The following HADHB variants were observed in gnomAD, a reference collection of about 807,000 sequenced individuals.
HADHB encodes hydroxyacyl-CoA dehydrogenase trifunctional multienzyme complex subunit beta.
A neutral mutation model predicts 61.9 loss-of-function variants in HADHB; 50 were observed. That is an observed-to-expected ratio of 0.81 (90% CI 0.64 to 1.02). The LOEUF (loss-of-function observed/expected upper bound fraction) is 1.02. Ranked by LOEUF, HADHB falls within the 50% of genes least tolerant of loss-of-function variation. HADHB has a pLI of 0.00. For missense variants in HADHB, 504 were observed against 586.5 expected, an observed-to-expected ratio of 0.86 and a Z score of 1.45; for synonymous variants, 191 against 201.6, an observed-to-expected ratio of 0.95 and a Z score of 0.45.
chr2:26,279,796 AT>A (rs1003426075), intron 9 of HADHB, among the ~76,000 whole-genome samples, 197 bp from the exon 10 acceptor site: 2 of 152,188 alleles, frequency 1.3e-5, no homozygotes, highest in South Asian at 2.1e-4. Flanking sequence ...TTAGTAAAGC[AT>A]TTAGATGATT....
chr2:26,267,944 G>A (rs548529944), intron 4 of HADHB, among the ~76,000 whole-genome samples: 90 of 151,934 alleles, frequency 5.9e-4, no homozygotes, highest in African/African-American at 2.0e-3. Flanking sequence ...GTTCGAGACC[G>A]GCATGGACAA....
At chr2:26,265,292 T>C (rs1350451489) in intron 4 of HADHB, among the ~76,000 whole-genome samples, 1 of 152,192 alleles carries the variant, frequency 6.6e-6, no homozygotes, top group Non-Finnish European at 1.5e-5. Flanking sequence ...ACTGTTTTAC[T>C]AGCTGTTAAA....
chr2:26,269,627 TGTTTAAA>T (rs940333164), intron 4 of HADHB, among the ~76,000 whole-genome samples: 21 of 152,184 alleles, frequency 1.4e-4, no homozygotes, highest in African/African-American at 4.8e-4. Context: ...TAAAATAAAA[TGTTTAAA>T]GGAAAAGAGA....
intron 3 of HADHB, among the ~76,000 whole-genome samples, chr2:26,262,724 A>G (rs1199602224): frequency 6.6e-6 from 1 of 152,230 alleles, no homozygotes; most frequent in East Asian, 1.9e-4. Flanking sequence ...AACAATATCA[A>G]TCATTGCAAC....
In HADHB at chr2:26,281,838, G is replaced by T. The variant is rs143534226; in HGVS notation, c.934-1007G>T. Among the ~76,000 whole-genome samples, 742 of 152,306 alleles carry T rather than the reference G, an allele frequency of 4.9e-3. 5 individuals are homozygous for T. Among genetic ancestry groups the T allele is most frequent in the African/African-American group, 0.017 (715 of 41,570 alleles). ...AGTTATAAAAATACGACAGAATGTG[G>T]TAGAACTTATTTTGATTTTACAAAT... is the stretch of plus-strand genomic sequence containing the variant. On this transcript the variant is annotated intron_variant, in intron 10 of 15. Transcript: ENST00000317799.
chr2:26,273,713 T>G lies in HADHB; in HGVS notation c.317T>G (p.Val106Gly). The change falls in exon 6 of 16, where the codon GTT becomes GGT. Residue 106 changes from valine (V) to glycine (G), a missense_variant. Physicochemically the swap from Val to Gly is moderately radical, Grantham distance 109. Transcript: ENST00000317799. ...GTTGATTATATCATCTTTGGTACAGTTATTCAGGAAGTGAAAACAAGCAAT... is the reference window on the plus strand; with the variant it reads ...GTTGATTATATCATCTTTGGTACAGGTATTCAGGAAGTGAAAACAAGCAAT... ...EVVDYIIFGT[V>G]IQEVKTSNVA... 1 of 1,608,730 alleles carries G rather than the reference T, an allele frequency of 6.2e-7. No individual in the cohort carries two copies. Among genetic ancestry groups the G allele is most frequent in the South Asian group, 1.1e-5 (1 of 90,974 alleles).
At chr2:26,264,232 C>G (rs1403479270) in intron 4 of HADHB, among the ~76,000 whole-genome samples, 4 of 151,688 alleles carry the variant, frequency 2.6e-5, no homozygotes, top group Non-Finnish European at 5.9e-5. Flanking sequence ...GACCTAAGAT[C>G]TTGAAGATAT....
intron 5 of HADHB, among the ~76,000 whole-genome samples, chr2:26,271,380 G>T (rs1338601742): frequency 6.6e-6 from 1 of 152,010 alleles, no homozygotes; most frequent in African/African-American, 2.4e-5. Context: ...AGTAGCACAT[G>T]CCTGTAATGC....
At chr2:26,260,928 G>A (rs1440318454) in intron 3 of HADHB, 1 of 836,656 alleles carries the variant, frequency 1.2e-6, no homozygotes, top group East Asian at 2.6e-5. Context: ...CTTCCTCATG[G>A]CATCTTTTTA....
rs1672805728 is a variant in HADHB, at chr2:26,281,915, TTTC to T, written c.934-924_934-922del. On this transcript the variant is annotated intron_variant, in intron 10 of 15. Coordinates refer to ENST00000317799, the MANE Select transcript of HADHB (RefSeq NM_000183.3). Reference sequence around the variant, plus strand: ...GAATTCTGAAGTTTTTGGGGGAGCTTTTCTTCTTTGAAGTATGGTAAAGGACGT... The same window carrying T: ...GAATTCTGAAGTTTTTGGGGGAGCTTTTCTTTGAAGTATGGTAAAGGACGT... Among the ~76,000 whole-genome samples, 3 of 152,118 alleles carry T rather than the reference TTTC, an allele frequency of 2.0e-5. No individual in the cohort carries two copies. In the South Asian group the frequency reaches 6.2e-4, roughly 32 times the overall value.
chr2:26,253,830 G>A (rs1189429829), intron 1 of HADHB, among the ~76,000 whole-genome samples: 2 of 148,956 alleles, frequency 1.3e-5, no homozygotes, highest in African/African-American at 4.9e-5. Flanking sequence ...TCCAGCCTGG[G>A]CAACAAGAGC....
chr2:26,281,148 A>G (rs905120247), intron 10 of HADHB, among the ~76,000 whole-genome samples: 4 of 143,692 alleles, frequency 2.8e-5, no homozygotes, highest in African/African-American at 4.9e-5. Flanking sequence ...TAACTTATCA[A>G]CATGTAGCTT....
chr2:26,283,195 C>T (rs1377556444), intron 12 of HADHB, 144 bp downstream of exon 12: 1 of 717,496 alleles, frequency 1.4e-6, no homozygotes, highest in African/African-American at 1.8e-5. Flanking sequence ...GCCCTGAGTT[C>T]ATAATTGGTT....
intron 1 of HADHB, among the ~76,000 whole-genome samples, chr2:26,253,857 A>AAATAAAT (rs1671498847): frequency 3.2e-5 from 4 of 125,634 alleles, no homozygotes; most frequent in African/African-American, 5.6e-5. Flanking sequence ...CCATCTCAAA[A>AAATAAAT]AAATAAATAA....
At chr2:26,260,833 A>T in intron 3 of HADHB, 1 of 598,758 alleles carries the variant, frequency 1.7e-6, no homozygotes. Flanking sequence ...TGCTTCTATC[A>T]TTCTTCATTC....
intron 6 of HADHB, among the ~76,000 whole-genome samples, chr2:26,274,082 T>G (rs1209762183): frequency 3.9e-5 from 6 of 152,246 alleles, no homozygotes; most frequent in Non-Finnish European, 8.8e-5. Context: ...ATATCATGGC[T>G]TCCAATTAAT....
intron 6 of HADHB, among the ~76,000 whole-genome samples, chr2:26,274,185 A>G (rs1428623842): frequency 6.6e-6 from 1 of 152,256 alleles, no homozygotes; most frequent in Non-Finnish European, 1.5e-5. Context: ...CCCATCAACT[A>G]GATGGCACGT....
chr2:26,272,965 C>T (rs1672405870), intron 5 of HADHB, among the ~76,000 whole-genome samples: 1 of 151,896 alleles, frequency 6.6e-6, no homozygotes, highest in Admixed American at 6.6e-5. Flanking sequence ...CGCTTGTAGC[C>T]CCAGCTACTC....
intron 5 of HADHB, among the ~76,000 whole-genome samples, chr2:26,270,367 G>A (rs1029653856): frequency 3.9e-5 from 6 of 152,206 alleles, no homozygotes; most frequent in African/African-American, 1.4e-4. Context: ...ATTAGATGTA[G>A]TTAAATAAGA....
Sources: gnomAD v4.1 joint callset for allele counts (sites outside exome capture counted in the v4.1 genomes callset) on GRCh38, gnomAD v4.1.1 for gene constraint, MANE v1.5 for transcripts, NCBI Gene and HGNC (gene_info 2026-07-23, HGNC 2026-07-21) for gene names.